OR8D4: variants seen among roughly 807,000 people sequenced by gnomAD.
The protein encoded by OR8D4 is olfactory receptor 8D4.
For missense variants in OR8D4, 359 were observed against 372.6 expected (o/e 0.96, Z 0.30); for synonymous variants, 141 against 134.8 (o/e 1.05, Z -0.32).
In OR8D4 at chr11:123,907,053, G is replaced by T. The variant is rs767210942; in HGVS notation, c.622G>T (p.Val208Leu). 6.2e-7 allele frequency: 1 copy of T among 1,614,038 alleles called. No individual in the cohort carries two copies. Residue 208 changes from valine to leucine, a missense_variant, in exon 2 of 2, where the codon GTG becomes TTG. By Grantham distance (32) the Val-to-Leu change is conservative. Transcript: ENST00000641687. ...TTTTGTCATTGGTGGATTTAACATG[G>T]TGGCCACAAGCCTAACAATCATTAT... ...LIFVIGGFNMVATSLTIIISY... is the reference protein window; with the variant it reads ...LIFVIGGFNMLATSLTIIISY...
intron 1 of OR8D4, among the ~76,000 whole-genome samples, chr11:123,902,586 GTATT>G (rs1341725675): frequency 2.6e-5 from 4 of 152,100 alleles, no homozygotes; most frequent in Non-Finnish European, 4.4e-5. Context: ...ATCTTTTGAA[GTATT>G]TATTATTTTT....
In OR8D4 at chr11:123,908,051, C is replaced by T. The variant is rs565903170; in HGVS notation, c.*675C>T. ...TTGAGCAGCGTGATGGAAATTATTA[C>T]AACAATTTTGTAATAACTGTGGGAG... On this transcript the variant is annotated 3_prime_UTR_variant, in exon 2 of 2. Transcript: ENST00000641687. 7 of 152,128 alleles carry T rather than the reference C, an allele frequency of 4.6e-5. 1 individual carries two copies. The South Asian group carries it at 1.5e-3, about 32-fold the overall frequency. The allele number at this position is 152,128 out of a possible 1,614,324, so 9.4% of individuals were successfully genotyped here.
intron 1 of OR8D4, among the ~76,000 whole-genome samples, chr11:123,903,585 T>G (rs1437846718): frequency 1.3e-5 from 2 of 152,166 alleles, no homozygotes; most frequent in Non-Finnish European, 2.9e-5. Flanking sequence ...TGAATCAATG[T>G]AGTAGATTAT....
rs1205543433 is a variant in OR8D4 at position 123,907,379 on chromosome 11, A to G, written c.*3A>G. 1 of 1,086,460 alleles carries G rather than the reference A, an allele frequency of 9.2e-7. No homozygotes were observed. Among genetic ancestry groups the G allele is most frequent in the Non-Finnish European group, 1.4e-6 (1 of 735,638 alleles). The allele number at this position is 1,086,460 out of a possible 1,614,324, so 67.3% of individuals were successfully genotyped here. On this transcript the variant is annotated 3_prime_UTR_variant, in exon 2 of 2. Coordinates refer to ENST00000641687, the MANE Select transcript of OR8D4 (RefSeq NM_001005197.2). ...AAATATCTTTATCTCCAGGATAAAT[A>G]TGCTCTTTATTAAGATCTATTTCTG...
In OR8D4 at chr11:123,908,167, A is replaced by G. The variant is rs964339311; in HGVS notation, c.*791A>G. 22 of 152,346 alleles carry G rather than the reference A, an allele frequency of 1.4e-4. No individual in the cohort carries two copies. Among genetic ancestry groups the G allele is most frequent in the Non-Finnish European group, 1.8e-4 (12 of 68,030 alleles). The allele number at this position is 152,346 out of a possible 1,614,324, so 9.4% of individuals were successfully genotyped here. On this transcript the variant is annotated 3_prime_UTR_variant, in exon 2 of 2. Coordinates refer to ENST00000641687, the MANE Select transcript of OR8D4 (RefSeq NM_001005197.2). ...AATGAAGAAGATTCAACAAAGGACT[A>G]AGCTAATATGGTCTCAGTATTTGGC...
chr11:123,908,196 T>C lies in OR8D4; in HGVS notation c.*820T>C, dbSNP rs1863221933. On this transcript the variant is annotated 3_prime_UTR_variant, in exon 2 of 2. Coordinates refer to ENST00000641687, the MANE Select transcript of OR8D4 (RefSeq NM_001005197.2). ...TAATATGGTCTCAGTATTTGGCAGC[T>C]GTTGATCCAAAAATAAGATTTAACA... is the stretch of plus-strand genomic sequence containing the variant. 1 of 152,218 alleles carries C rather than the reference T, an allele frequency of 6.6e-6. No homozygotes were observed. The highest frequency in any genetic ancestry group is 6.5e-5 in the Admixed American group (1 of 15,278). 9.4% of individuals were successfully genotyped at this position (152,218 alleles called of 1,614,324 possible). A position where few individuals can be genotyped will look rare whatever the true frequency, so the allele number is the denominator to read the frequency against.
At chr11:123,904,520 A>G (rs1863184801) in intron 1 of OR8D4, among the ~76,000 whole-genome samples, 2 of 152,232 alleles carry the variant, frequency 1.3e-5, no homozygotes, top group South Asian at 4.1e-4. Flanking sequence ...ATGAATGCTA[A>G]CTGGTAAGGA....
Position 123,908,263 on chromosome 11 carries a change from G to A in OR8D4, c.*887G>A, listed in dbSNP as rs934031549. 2.0e-5 allele frequency: 3 copies of A among 152,068 alleles called. No individual in the cohort carries two copies. Among genetic ancestry groups the A allele is most frequent in the Admixed American group, 1.3e-4 (2 of 15,256 alleles). The allele number at this position is 152,068 out of a possible 1,614,324, so 9.4% of individuals were successfully genotyped here. A position where few individuals can be genotyped will look rare whatever the true frequency, so the allele number is the denominator to read the frequency against. On this transcript the variant is annotated 3_prime_UTR_variant, in exon 2 of 2. Transcript: ENST00000641687. ...ATGATGTTTATAACCTTATTAAAAT[G>A]TCTTGTTTTTTTTCAGCATGACCAG...
chr11:123,908,054 C>A lies in OR8D4; in HGVS notation c.*678C>A, dbSNP rs1236629178. 1.3e-5 allele frequency: 2 copies of A among 151,998 alleles called. No homozygotes were observed. Among genetic ancestry groups the A allele is most frequent in the Non-Finnish European group, 2.9e-5 (2 of 67,986 alleles). 9.4% of individuals were successfully genotyped at this position (151,998 alleles called of 1,614,324 possible). ...AGCAGCGTGATGGAAATTATTACAA[C>A]AATTTTGTAATAACTGTGGGAGAAT... On this transcript the variant is annotated 3_prime_UTR_variant, in exon 2 of 2. Coordinates refer to ENST00000641687, the MANE Select transcript of OR8D4 (RefSeq NM_001005197.2).
intron 1 of OR8D4, among the ~76,000 whole-genome samples, chr11:123,903,792 A>G (rs1863179485): frequency 6.6e-6 from 1 of 152,228 alleles, no homozygotes; most frequent in Non-Finnish European, 1.5e-5. Context: ...TGACATGCAC[A>G]TTACACTGCC....
At chr11:123,903,388 G>C (rs943616795) in intron 1 of OR8D4, among the ~76,000 whole-genome samples, 3 of 151,976 alleles carry the variant, frequency 2.0e-5, no homozygotes, top group African/African-American at 7.3e-5. Context: ...TGAACTTCTA[G>C]GATGTTTTAA....
In OR8D4 at chr11:123,906,479, A is replaced by T. The variant is rs1295555334; in HGVS notation, c.48A>T (p.Gly16=). The part of the protein sequence containing the change: ...HSTVTEFLLS[G]LTEQAELQLP... Reference sequence around the variant, plus strand: ...CAGTGACTGAGTTTCTTCTTTCAGGATTAACTGAACAAGCAGAGCTTCAGC... The same window carrying T: ...CAGTGACTGAGTTTCTTCTTTCAGGTTTAACTGAACAAGCAGAGCTTCAGC... The change falls in exon 2 of 2, where the codon GGA becomes GGT. Residue 16 remains glycine, a synonymous_variant. Coordinates refer to ENST00000641687, the MANE Select transcript of OR8D4 (RefSeq NM_001005197.2). 6.2e-7 allele frequency: 1 copy of T among 1,613,258 alleles called. No homozygotes were observed. The highest frequency in any genetic ancestry group is 1.7e-5 in the Admixed American group (1 of 59,940).
intron 1 of OR8D4, among the ~76,000 whole-genome samples, chr11:123,905,852 TCA>T (rs1019913832): frequency 1.3e-5 from 2 of 152,148 alleles, no homozygotes; most frequent in Non-Finnish European, 2.9e-5. Context: ...CACAAATAAC[TCA>T]CAGTCTTCCT....
Position 123,906,799 on chromosome 11 carries a change from A to G in OR8D4, c.368A>G (p.Tyr123Cys). 1 of 1,613,878 alleles carries G rather than the reference A, an allele frequency of 6.2e-7. No homozygotes were observed. Among genetic ancestry groups the G allele is most frequent in the Middle Eastern group, 1.6e-4 (1 of 6,062 alleles). The change falls in exon 2 of 2, where the codon TAC becomes TGC. Residue 123 changes from tyrosine (Y) to cysteine (C), a missense_variant. Coordinates refer to ENST00000641687, the MANE Select transcript of OR8D4 (RefSeq NM_001005197.2). Reference sequence around the variant, plus strand: ...CTGGCAGCCATGGCCTGCGATCGCTACGTGGCCATCTGCAGCCCACTGCTC... The same window carrying G: ...CTGGCAGCCATGGCCTGCGATCGCTGCGTGGCCATCTGCAGCCCACTGCTC... ...YMLAAMACDR[Y>C]VAICSPLLYR...
At position 123,906,401 on chromosome 11, in the gene OR8D4, T is replaced by C; in HGVS notation, c.-15-16T>C. The C allele has an allele frequency of 7.1e-7, 1 of 1,410,266 alleles. No individual in the cohort carries two copies. The highest frequency in any genetic ancestry group is 9.7e-7 in the Non-Finnish European group (1 of 1,031,900). The allele number at this position is 1,410,266 out of a possible 1,614,324, so 87.4% of individuals were successfully genotyped here. ...AACACTGATAGAATTTGACTTTTTC[T>C]CTCTCATCTCCACAGATTTCTCAGA... On this transcript the variant is annotated splice_polypyrimidine_tract_variant and intron_variant, in intron 1 of 1. Coordinates refer to ENST00000641687, the MANE Select transcript of OR8D4 (RefSeq NM_001005197.2).
chr11:123,903,878 G>A (rs1025968833), intron 1 of OR8D4, among the ~76,000 whole-genome samples: 1 of 152,186 alleles, frequency 6.6e-6, no homozygotes, highest in African/African-American at 2.4e-5. Context: ...CTTCATCTGA[G>A]AAGGCTTTCC....
Position 123,907,467 on chromosome 11 carries a change from C to G in OR8D4, c.*91C>G. The G allele has an allele frequency of 1.6e-6, 1 of 611,048 alleles. No homozygotes were observed. Among genetic ancestry groups the G allele is most frequent in the Non-Finnish European group, 2.8e-6 (1 of 360,660 alleles). 37.9% of individuals were successfully genotyped at this position (611,048 alleles called of 1,614,324 possible). A position where few individuals can be genotyped will look rare whatever the true frequency, so the allele number is the denominator to read the frequency against. On this transcript the variant is annotated 3_prime_UTR_variant, in exon 2 of 2. Coordinates refer to ENST00000641687, the MANE Select transcript of OR8D4 (RefSeq NM_001005197.2). ...TGACTATTTAAAAGTAATTTGAGGT[C>G]CAGGTACGGTGACTTACGCCTGTAA...
chr11:123,904,903 C>T (rs1001415968), intron 1 of OR8D4, among the ~76,000 whole-genome samples: 2 of 152,136 alleles, frequency 1.3e-5, no homozygotes, highest in Non-Finnish European at 2.9e-5. Flanking sequence ...ACAATTGAGC[C>T]ATTTGGGCAA....
rs531474570 is a variant in OR8D4 at position 123,906,435 on chromosome 11, G to C, written c.4G>C (p.Gly2Arg). The C allele has an allele frequency of 5.8e-5, 92 of 1,585,826 alleles. 1 individual carries two copies. In the South Asian group the frequency reaches 9.2e-4, roughly 16 times the overall value. Residue 2 changes from glycine to arginine, a missense_variant, in exon 2 of 2, where the codon GGT (glycine) becomes CGT (arginine). Transcript: ENST00000641687. Reference protein sequence around the residue: MGVKNHSTVTEF... With the variant: MRVKNHSTVTEF... ...TCCACAGATTTCTCAGAGAAGAATGGGTGTAAAAAACCATTCCACAGTGAC... is the reference window on the plus strand; with the variant it reads ...TCCACAGATTTCTCAGAGAAGAATGCGTGTAAAAAACCATTCCACAGTGAC...
Sources: gnomAD v4.1 joint callset for allele counts (sites outside exome capture counted in the v4.1 genomes callset) on GRCh38, gnomAD v4.1.1 for gene constraint, MANE v1.5 for transcripts, NCBI Gene and HGNC (gene_info 2026-07-23, HGNC 2026-07-21) for gene names.